CBR4: variants seen among roughly 807,000 people sequenced by gnomAD.
CBR4 encodes carbonyl reductase 4.
Under a neutral mutation model 21.0 loss-of-function variants are expected in CBR4, and 22 were observed. The observed-to-expected ratio is 1.05, with a 90% CI of 0.75 to 1.50. The LOEUF is 1.50. Among genes scored for constraint, CBR4 ranks in the 40% most tolerant of loss-of-function variants. The pLI is 0.00. For missense variants in CBR4, 302 were observed against 286.3 expected (o/e 1.05, Z -0.40); for synonymous variants, 100 against 104.4 (o/e 0.96, Z 0.26).
chr4:168,968,925 A>G (rs1578955695), intron 2 of CBR4, among the ~76,000 whole-genome samples: 1 of 152,230 alleles, frequency 6.6e-6, no homozygotes, highest in East Asian at 1.9e-4. Context: ...AAATATGTCC[A>G]TGCTGATTAT....
rs138794756 is a variant in CBR4 at position 168,950,941 on chromosome 4, T to C, written n.169+51130A>G. ...ACTTTTGGTGCCTATTTGCATGAAATGCCTTTTTCCCCCGCTTTACTTTAA... is the reference window on the plus strand; with the variant it reads ...ACTTTTGGTGCCTATTTGCATGAAACGCCTTTTTCCCCCGCTTTACTTTAA... On this transcript the variant is annotated intron_variant and non_coding_transcript_variant, in intron 2 of 3. Coordinates refer to the CBR4 transcript ENST00000509108. 3.2e-3 allele frequency among the ~76,000 whole-genome samples: 485 copies of C among 152,340 alleles called. 4 individuals carry two copies. The highest frequency in any genetic ancestry group is 2.8e-3 in the Non-Finnish European group (191 of 68,014).
chr4:168,969,967 G>A (rs1044760306), intron 2 of CBR4, among the ~76,000 whole-genome samples: 6 of 152,172 alleles, frequency 3.9e-5, no homozygotes, highest in Non-Finnish European at 7.4e-5. Context: ...AAATGTCAAC[G>A]AAATTTCATG....
At chr4:168,934,673 A>G (rs1763060618) in intron 2 of CBR4, among the ~76,000 whole-genome samples, 1 of 152,134 alleles carries the variant, frequency 6.6e-6, no homozygotes, top group African/African-American at 2.4e-5. Context: ...AATGATAATA[A>G]ATCAGTAATA....
At chr4:168,986,375 T>C (rs1469260200), downstream of CBR4, among the ~76,000 whole-genome samples, 1 of 152,210 alleles carries the variant, frequency 6.6e-6, no homozygotes, top group Admixed American at 6.5e-5. Context: ...AGAGAAGCCA[T>C]TCCTGACCTT....
chr4:168,955,061 A>G (rs760483751), intron 2 of CBR4, among the ~76,000 whole-genome samples: 5 of 152,238 alleles, frequency 3.3e-5, no homozygotes, highest in Non-Finnish European at 7.3e-5. Flanking sequence ...AGGCAAGGAA[A>G]AGTAACTATC....
intron 1 of CBR4, among the ~76,000 whole-genome samples, chr4:169,008,643 G>C (rs1731124239): frequency 6.6e-6 from 1 of 152,138 alleles, no homozygotes; most frequent in Non-Finnish European, 1.5e-5. Context: ...AGCATCCTGT[G>C]TCTCTCTTAC....
chr4:168,993,796 G>C (rs1235705323), intron 4 of CBR4, among the ~76,000 whole-genome samples: 1 of 152,138 alleles, frequency 6.6e-6, no homozygotes, highest in African/African-American at 2.4e-5. Context: ...GAAATGGTTT[G>C]CAAGAAAGAC....
chr4:168,899,677 G>A (rs1363038868), intron 2 of CBR4, among the ~76,000 whole-genome samples: 3 of 152,134 alleles, frequency 2.0e-5, no homozygotes, highest in Non-Finnish European at 2.9e-5. Flanking sequence ...AGCATTTTGC[G>A]AGGCCGAGAT....
At chr4:168,930,184 A>C (rs538751265) in intron 2 of CBR4, among the ~76,000 whole-genome samples, 1 of 152,326 alleles carries the variant, frequency 6.6e-6, no homozygotes, top group East Asian at 1.9e-4. Context: ...TTTGTTTTTA[A>C]TACTTTGATA....
chr4:168,956,597 C>CAAAAAAAA (rs59962690), intron 2 of CBR4, among the ~76,000 whole-genome samples: 7 of 29,708 alleles, frequency 2.4e-4, no homozygotes, highest in Admixed American at 5.4e-4. Flanking sequence ...GACCCTGTCT[C>CAAAAAAAA]AAAAAAAAAA....
chr4:168,969,873 G>A (rs1311961715), intron 2 of CBR4, among the ~76,000 whole-genome samples: 5 of 152,142 alleles, frequency 3.3e-5, no homozygotes, highest in African/African-American at 1.2e-4. Flanking sequence ...TTTAAAAAAA[G>A]ATTCATAGGT....
intron 4 of CBR4, among the ~76,000 whole-genome samples, chr4:168,994,988 A>G (rs1339272749): frequency 1.3e-5 from 2 of 152,134 alleles, no homozygotes; most frequent in Admixed American, 1.3e-4. Context: ...TACTGGCCTT[A>G]GGTGATCAGC....
chr4:168,998,488 TAG>T, intron 4 of CBR4, among the ~76,000 whole-genome samples: 1 of 152,268 alleles, frequency 6.6e-6, no homozygotes, highest in Non-Finnish European at 1.5e-5. Context: ...TGCAAATCTG[TAG>T]ATACAGAAAG....
chr4:168,952,471 T>TG (rs952847919), intron 2 of CBR4, among the ~76,000 whole-genome samples: 1 of 152,106 alleles, frequency 6.6e-6, no homozygotes, highest in Non-Finnish European at 1.5e-5. Context: ...AGTGTGATTT[T>TG]GGGGGGGTGT....
chr4:168,944,185 C>T (rs1015427974), intron 2 of CBR4, among the ~76,000 whole-genome samples: 13 of 152,008 alleles, frequency 8.6e-5, no homozygotes, highest in African/African-American at 3.1e-4. Flanking sequence ...TGGTTCACAC[C>T]TGTAATCCTA....
At chr4:168,953,795 C>G (rs1401143576) in intron 2 of CBR4, among the ~76,000 whole-genome samples, 2 of 152,146 alleles carry the variant, frequency 1.3e-5, no homozygotes, top group Non-Finnish European at 2.9e-5. Context: ...TTTAAGACAG[C>G]ATCTAATATG....
chr4:168,914,080 A>T, intron 2 of CBR4: 2 of 1,018,296 alleles, frequency 2.0e-6, no homozygotes, highest in Non-Finnish European at 3.1e-6. Context: ...CTATAAATGT[A>T]GTACTATTAG....
intron 2 of CBR4, chr4:168,921,475 A>T: frequency 8.6e-7 from 1 of 1,157,274 alleles, no homozygotes; most frequent in South Asian, 1.3e-5. Flanking sequence ...CTTCTTAGCT[A>T]CCAGTGATTT....
chr4:168,928,520 A>G (rs985399635), intron 2 of CBR4: 5 of 165,116 alleles, frequency 3.0e-5, no homozygotes, highest in African/African-American at 1.2e-4. Context: ...CTTCAGCATC[A>G]CTCATTTATT....
Sources: allele counts gnomAD v4.1 joint callset (sites outside exome capture counted in the v4.1 genomes callset), GRCh38; gene constraint gnomAD v4.1.1; transcripts MANE v1.5; gene names NCBI Gene and HGNC (gene_info 2026-07-23, HGNC 2026-07-21).